Variants in CMSS1 observed in about 807,000 individuals in gnomAD.
CMSS1 encodes protein CMSS1.
CMSS1 carries 33 observed loss-of-function variants against 43.5 expected under a neutral mutation model. The observed-to-expected ratio is 0.76, with a 90% CI of 0.57 to 1.01. The LOEUF is 1.01. Among genes scored for constraint, CMSS1 ranks in the 50% least tolerant of loss-of-function variants. The pLI, the probability that CMSS1 is intolerant of heterozygous loss-of-function variation, is 0.00. For synonymous variants in CMSS1, 115 were observed against 117.2 expected (o/e 0.98, Z 0.12); for missense variants, 313 against 326.4 (o/e 0.96, Z 0.32).
chr3:100,009,030 A>G (rs766377763), intron 1 of CMSS1, among the ~76,000 whole-genome samples: 1 of 152,232 alleles, frequency 6.6e-6, no homozygotes, highest in East Asian at 1.9e-4. Context: ...AACCTTTACC[A>G]TAGTTGCTAA....
intron 1 of CMSS1, among the ~76,000 whole-genome samples, chr3:100,068,350 CTGTG>C (rs62958661): frequency 0.49 from 72,961 of 149,208 alleles, 17,775 homozygotes; most frequent in East Asian, 0.7. Context: ...GAAAGAGCCT[CTGTG>C]TGTGTGTGTG....
intron 1 of CMSS1, among the ~76,000 whole-genome samples, chr3:99,941,339 A>G (rs1707844873): frequency 1.3e-5 from 2 of 152,242 alleles, no homozygotes; most frequent in South Asian, 4.1e-4. Context: ...ACTGTAAATA[A>G]TGTTCAATGC....
intron 1 of CMSS1, among the ~76,000 whole-genome samples, chr3:99,878,685 C>T (rs1204738010): frequency 6.6e-6 from 1 of 152,168 alleles, no homozygotes; most frequent in African/African-American, 2.4e-5. Flanking sequence ...GTGGCAGCAA[C>T]GTATCTTGTT....
chr3:100,128,054 A>G (rs2066676866), intron 1 of CMSS1, among the ~76,000 whole-genome samples: 1 of 152,198 alleles, frequency 6.6e-6, no homozygotes, highest in Admixed American at 6.5e-5. Context: ...AGGAACCTGG[A>G]CCAGGCCTCA....
At chr3:99,871,473 C>T (rs545044063) in intron 1 of CMSS1, among the ~76,000 whole-genome samples, 63 of 152,140 alleles carry the variant, frequency 4.1e-4, no homozygotes, top group South Asian at 8.3e-4. Context: ...AGTTTATAGT[C>T]CAAGAGACAG....
chr3:99,859,794 TTA>T (rs749231524), intron 1 of CMSS1, among the ~76,000 whole-genome samples: 20 of 152,160 alleles, frequency 1.3e-4, no homozygotes, highest in Admixed American at 2.6e-4. Context: ...GGCCTATAAT[TTA>T]TGTTTCCTTG....
At chr3:100,003,275 T>C (rs1274941214) in intron 1 of CMSS1, among the ~76,000 whole-genome samples, 1 of 152,200 alleles carries the variant, frequency 6.6e-6, no homozygotes, top group African/African-American at 2.4e-5. Context: ...AGTTACACAT[T>C]GACTCAGTCA....
At chr3:99,940,606 T>TTAAAGATAAA (rs1707822779) in intron 1 of CMSS1, among the ~76,000 whole-genome samples, 1 of 152,230 alleles carries the variant, frequency 6.6e-6, no homozygotes, top group Non-Finnish European at 1.5e-5. Context: ...ATTGTATCAC[T>TTAAAGATAAA]TCTTGTTCAT....
intron 1 of CMSS1, among the ~76,000 whole-genome samples, chr3:99,914,584 A>G (rs1433974139): frequency 1.3e-5 from 2 of 152,242 alleles, no homozygotes; most frequent in Non-Finnish European, 2.9e-5. Context: ...AGGTAAAGTT[A>G]TAAAGTAAGA....
chr3:100,147,119 C>A (rs985637701), intron 2 of CMSS1, 58 bp downstream of exon 2: 3 of 1,592,848 alleles, frequency 1.9e-6, no homozygotes, highest in South Asian at 1.1e-5. Context: ...GCCTTTTCCT[C>A]CTCTCTATTG....
At chr3:100,034,294 T>C (rs541071177) in intron 1 of CMSS1, among the ~76,000 whole-genome samples, 48 of 152,344 alleles carry the variant, frequency 3.2e-4, no homozygotes, top group Non-Finnish European at 6.2e-4. Flanking sequence ...AATGTACCAC[T>C]TATTGTCTGG....
intron 2 of CMSS1, among the ~76,000 whole-genome samples, chr3:100,156,683 T>G (rs2066978020): frequency 6.6e-6 from 1 of 151,944 alleles, no homozygotes. Flanking sequence ...TGGCACGATC[T>G]TGGCTCACTG....
At chr3:99,833,087 G>T in intron 1 of CMSS1, 2 of 694,324 alleles carry the variant, frequency 2.9e-6, no homozygotes, top group Non-Finnish European at 5.1e-6. Context: ...AGGCTCCTGG[G>T]TTTCATCAAA....
chr3:100,167,680 G>A, intron 5 of CMSS1, 58 bp from the exon 6 acceptor site: 1 of 1,021,354 alleles, frequency 9.8e-7, no homozygotes, highest in Non-Finnish European at 1.5e-6. Context: ...TGCTCAACTT[G>A]GGAGGTGTGC....
chr3:99,848,123 AAC>A (rs1943451127), intron 1 of CMSS1: 4 of 1,472,640 alleles, frequency 2.7e-6, no homozygotes, highest in Non-Finnish European at 3.6e-6. Flanking sequence ...CTATGCAGGC[AAC>A]AGTTAGTTTC....
At position 100,166,356 on chromosome 3, in the gene CMSS1, A is replaced by G. The variant is rs111259484; in HGVS notation, c.377A>G (p.Asn126Ser). The change falls in exon 5 of 10, where the codon AAT (asparagine) becomes AGT (serine). Residue 126 changes from asparagine to serine, a missense_variant. By Grantham distance (46) the Asn-to-Ser change is conservative (BLOSUM62 1). Coordinates refer to ENST00000421999, the MANE Select transcript of CMSS1 (RefSeq NM_032359.4). ...NLPDSCFLKANDLTHSLSSYL... is the reference protein window; with the variant it reads ...NLPDSCFLKASDLTHSLSSYL... ...CTAGACTCCTGTTTCCTCAAGGCCA[A>G]TGATTTGACTCACAGTCTTTCCTCA... The G allele has an allele frequency of 1.6e-3, 2,613 of 1,600,984 alleles. 5 individuals are homozygous for G. The highest frequency in any genetic ancestry group is 2.3e-3 in the South Asian group (205 of 90,798).
At chr3:99,928,411 G>A (rs1006008874) in intron 1 of CMSS1, among the ~76,000 whole-genome samples, 5 of 152,212 alleles carry the variant, frequency 3.3e-5, no homozygotes, top group African/African-American at 1.2e-4. Context: ...GATCATGGAG[G>A]TGGGAATGTG....
intron 1 of CMSS1, among the ~76,000 whole-genome samples, chr3:99,909,898 A>C (rs1394656994): frequency 6.6e-6 from 1 of 152,108 alleles, no homozygotes; most frequent in Non-Finnish European, 1.5e-5. Context: ...TGAACCCTTC[A>C]TATTCAGAGT....
chr3:99,983,507 T>C (rs2107737592), intron 1 of CMSS1, among the ~76,000 whole-genome samples: 1 of 95,216 alleles, frequency 1.1e-5, no homozygotes, highest in African/African-American at 4.2e-5. Context: ...TATATATATA[T>C]ATGTATATAT....
Sources: allele counts gnomAD v4.1 joint callset (sites outside exome capture counted in the v4.1 genomes callset), GRCh38; gene constraint gnomAD v4.1.1; transcripts MANE v1.5; gene names NCBI Gene and HGNC (gene_info 2026-07-23, HGNC 2026-07-21).